ARAP2: variants seen among roughly 807,000 people sequenced by gnomAD.
ARAP2 encodes the protein ArfGAP with RhoGAP domain, ankyrin repeat and PH domain 2.
In ARAP2, 148 loss-of-function variants were observed where a neutral mutation model predicts 194.5. That is an observed-to-expected ratio of 0.76 (90% CI 0.67 to 0.87). ARAP2 has a LOEUF of 0.87. ARAP2 is among the 40% of genes least tolerant of loss of function. ARAP2 has a pLI of 0.00. For missense variants in ARAP2, 2,128 were observed against 1,989.7 expected (o/e 1.07, Z -1.32); for synonymous variants, 695 against 683.5 (o/e 1.02, Z -0.26).
intron 9 of ARAP2, among the ~76,000 whole-genome samples, chr4:36,007,931 A>G (rs190284485): frequency 1.5e-3 from 229 of 152,242 alleles, no homozygotes; most frequent in African/African-American, 5.1e-3. Context: ...CAAGAAGGCA[A>G]TCTCTTTCAT....
intron 25 of ARAP2, 140 bp from the exon 26 acceptor site, chr4:36,114,427 C>T: frequency 5.1e-6 from 3 of 588,600 alleles, no homozygotes; most frequent in Non-Finnish European, 9.0e-6. Flanking sequence ...TTCCCTAATC[C>T]CATACAGAAA....
chr4:36,079,648 C>T (rs899609836), intron 31 of ARAP2, among the ~76,000 whole-genome samples: 3 of 152,162 alleles, frequency 2.0e-5, no homozygotes, highest in Non-Finnish European at 4.4e-5. Context: ...TGGCCTCAGA[C>T]ATCCCTGGGT....
intron 27 of ARAP2, among the ~76,000 whole-genome samples, chr4:36,106,967 A>C (rs1482153628): frequency 6.6e-6 from 1 of 151,938 alleles, no homozygotes; most frequent in Non-Finnish European, 1.5e-5. Context: ...AAGAATAATT[A>C]AGTTTCAAAA....
chr4:36,196,784 C>A (rs1387979245), intron 6 of ARAP2, among the ~76,000 whole-genome samples: 2 of 151,936 alleles, frequency 1.3e-5, no homozygotes, highest in South Asian at 2.1e-4. Flanking sequence ...TGGGTACATA[C>A]TCGGTGGACA....
chr4:36,190,800 T>C (rs1415699147), intron 7 of ARAP2, among the ~76,000 whole-genome samples: 1 of 152,128 alleles, frequency 6.6e-6, no homozygotes, highest in African/African-American at 2.4e-5. Flanking sequence ...AAGGGGAACA[T>C]GTAGGAAAAG....
chr4:36,214,620 T>C, intron 2 of ARAP2, 140 bp from the exon 3 acceptor site: 1 of 463,752 alleles, frequency 2.2e-6, no homozygotes, highest in Non-Finnish European at 3.5e-6. Flanking sequence ...AGCTATACAT[T>C]CTTTTGGGTA....
At chr4:36,220,035 T>C in intron 2 of ARAP2, among the ~76,000 whole-genome samples, 1 of 152,218 alleles carries the variant, frequency 6.6e-6, no homozygotes. Context: ...TCGATACTTC[T>C]ATAAAGCTGC....
chr4:36,203,381 C>T (rs1202371105), intron 6 of ARAP2, among the ~76,000 whole-genome samples: 2 of 151,898 alleles, frequency 1.3e-5, no homozygotes, highest in Admixed American at 1.3e-4. Flanking sequence ...GTCAGGAGAT[C>T]AAGACCAGCC....
intron 28 of ARAP2, among the ~76,000 whole-genome samples, chr4:36,091,353 T>C (rs1205856032): frequency 6.6e-6 from 1 of 152,132 alleles, no homozygotes; most frequent in Non-Finnish European, 1.5e-5. Flanking sequence ...TCTAATTCTC[T>C]TATCCACTCC....
chr4:36,011,534 A>G (rs762761014), intron 9 of ARAP2, among the ~76,000 whole-genome samples: 1 of 152,124 alleles, frequency 6.6e-6, no homozygotes, highest in Non-Finnish European at 1.5e-5. Context: ...CTCTTTTTCC[A>G]GAGAATCTTA....
chr4:36,027,089 C>G (rs950039148), intron 5 of ARAP2, among the ~76,000 whole-genome samples: 1 of 152,172 alleles, frequency 6.6e-6, no homozygotes, highest in African/African-American at 2.4e-5. Context: ...TCTTTTAAAT[C>G]TTTTGCAAGA....
chr4:36,029,647 A>G (rs991672609), intron 5 of ARAP2, among the ~76,000 whole-genome samples: 2 of 151,838 alleles, frequency 1.3e-5, no homozygotes, highest in African/African-American at 4.8e-5. Flanking sequence ...TGGGTATAAT[A>G]TTTTATATAT....
intron 27 of ARAP2, among the ~76,000 whole-genome samples, chr4:36,092,850 C>T (rs1003904584): frequency 6.6e-6 from 1 of 152,102 alleles, no homozygotes; most frequent in East Asian, 1.9e-4. Context: ...AAAGGAAACA[C>T]CTTTAAGAAT....
chr4:36,229,998 T>C (rs557392860), intron 1 of ARAP2, among the ~76,000 whole-genome samples: 2 of 152,352 alleles, frequency 1.3e-5, no homozygotes, highest in East Asian at 3.9e-4. Context: ...GAAAGATGTA[T>C]ATAGTTCATC....
intron 5 of ARAP2, among the ~76,000 whole-genome samples, chr4:36,024,937 T>G (rs1430644709): frequency 1.3e-5 from 2 of 152,182 alleles, no homozygotes; most frequent in Non-Finnish European, 2.9e-5. Flanking sequence ...AAAGACATCT[T>G]CCTGTCATCT....
chr4:36,142,130 C>A (rs1455783460), intron 19 of ARAP2, among the ~76,000 whole-genome samples: 1 of 151,692 alleles, frequency 6.6e-6, no homozygotes, highest in Non-Finnish European at 1.5e-5. Flanking sequence ...GGGATCATCA[C>A]TCTTATCTCC....
At chr4:36,011,544 A>G (rs1460001316) in intron 9 of ARAP2, among the ~76,000 whole-genome samples, 1 of 152,152 alleles carries the variant, frequency 6.6e-6, no homozygotes, top group Non-Finnish European at 1.5e-5. Flanking sequence ...AGAGAATCTT[A>G]GAAACACCCA....
At chr4:36,034,869 C>G (rs1285575802) in intron 5 of ARAP2, among the ~76,000 whole-genome samples, 1 of 152,008 alleles carries the variant, frequency 6.6e-6, no homozygotes, top group Non-Finnish European at 1.5e-5. Context: ...GTCTTTAGTT[C>G]TTTTTGAGTG....
intron 9 of ARAP2, among the ~76,000 whole-genome samples, chr4:36,011,883 T>A (rs1256853800): frequency 6.6e-6 from 1 of 152,156 alleles, no homozygotes; most frequent in Non-Finnish European, 1.5e-5. Flanking sequence ...AGCTTTAGAA[T>A]AGTTCCTTAT....
Sources: gnomAD v4.1 joint callset for allele counts (sites outside exome capture counted in the v4.1 genomes callset) on GRCh38, gnomAD v4.1.1 for gene constraint, MANE v1.5 for transcripts, NCBI Gene and HGNC (gene_info 2026-07-23, HGNC 2026-07-21) for gene names.